Variants in SEC14L1 observed in about 807,000 individuals in gnomAD.
SEC14L1 encodes the protein SEC14 like lipid binding 1.
Under a neutral mutation model 85.3 loss-of-function variants are expected in SEC14L1, and 48 were observed. That is an observed-to-expected ratio of 0.56 (90% confidence interval 0.45 to 0.72). SEC14L1 has a LOEUF of 0.72. Ranked by LOEUF, SEC14L1 falls within the 30% of genes least tolerant of loss-of-function variation. The pLI is 0.00. For missense variants in SEC14L1, 682 were observed against 921.4 expected, an observed-to-expected ratio of 0.74 and a Z score of 3.36; for synonymous variants, 391 against 355.5, an observed-to-expected ratio of 1.10 and a Z score of -1.12.
intron 3 of SEC14L1, among the ~76,000 whole-genome samples, chr17:77,159,248 G>C (rs893633017): frequency 2.6e-5 from 4 of 151,014 alleles, no homozygotes; most frequent in Non-Finnish European, 4.4e-5. Context: ...TGCATTTTTA[G>C]TAGAGATGGG....
chr17:77,132,851 C>CTTTT (rs10711985), intron 3 of SEC14L1, among the ~76,000 whole-genome samples: 1 of 145,752 alleles, frequency 6.9e-6, no homozygotes, highest in Non-Finnish European at 1.5e-5. Context: ...CCCAATCCTC[C>CTTTT]TTTTTTTTTT....
Position 77,214,689 on chromosome 17 carries a change from A to G in SEC14L1, c.*666A>G. Reference sequence around the variant, plus strand: ...CTGGTGACTCCAGGAAAATGCTGCCATCGTTAAACATTACTTTCTCTTTCC... The same window carrying G: ...CTGGTGACTCCAGGAAAATGCTGCCGTCGTTAAACATTACTTTCTCTTTCC... On this transcript the variant is annotated 3_prime_UTR_variant, in exon 17 of 17. Transcript: ENST00000436233. 1.0e-6 allele frequency: 1 copy of G among 985,556 alleles called. No homozygotes were observed. Among genetic ancestry groups the G allele is most frequent in the African/African-American group, 1.7e-5 (1 of 57,372 alleles). The allele number at this position is 985,556 out of a possible 1,614,324, so 61.1% of individuals were successfully genotyped here. A position where few individuals can be genotyped will look rare whatever the true frequency, so the allele number is the denominator to read the frequency against.
chr17:77,095,155 G>T (rs1181125649), intron 3 of SEC14L1, among the ~76,000 whole-genome samples: 2 of 152,160 alleles, frequency 1.3e-5, no homozygotes, highest in Non-Finnish European at 2.9e-5. Flanking sequence ...TTGGGAGTTT[G>T]ATTGGAAGGA....
intron 10 of SEC14L1, among the ~76,000 whole-genome samples, chr17:77,204,509 C>A (rs1473299020): frequency 6.6e-6 from 1 of 150,878 alleles, no homozygotes; most frequent in Non-Finnish European, 1.5e-5. Context: ...CTTGAGCCAC[C>A]CTGCCCAGCC....
intron 3 of SEC14L1, among the ~76,000 whole-genome samples, chr17:77,179,887 C>T (rs894557135): frequency 3.9e-5 from 6 of 151,900 alleles, no homozygotes; most frequent in Non-Finnish European, 7.4e-5. Context: ...CTGTGTTAGC[C>T]GGGATGGTCT....
intron 3 of SEC14L1, among the ~76,000 whole-genome samples, chr17:77,178,242 C>T (rs1452943723): frequency 6.6e-6 from 1 of 152,096 alleles, no homozygotes; most frequent in African/African-American, 2.4e-5. Flanking sequence ...CCCATCCCAC[C>T]TGCCACTCAG....
At position 77,215,420 on chromosome 17, in the gene SEC14L1, G is replaced by A; in HGVS notation, c.*1397G>A. 3.0e-6 allele frequency: 3 copies of A among 985,516 alleles called. No individual in the cohort carries two copies. The highest frequency in any genetic ancestry group is 3.6e-6 in the Non-Finnish European group (3 of 830,006). The allele number at this position is 985,516 out of a possible 1,614,324, so 61.0% of individuals were successfully genotyped here. ...CCACGCGGCTGTCAACTGTGTGCGTGGTAGGCATGGAGATCCTGGTTGTGC... is the reference window on the plus strand; with the variant it reads ...CCACGCGGCTGTCAACTGTGTGCGTAGTAGGCATGGAGATCCTGGTTGTGC... On this transcript the variant is annotated 3_prime_UTR_variant, in exon 17 of 17. Coordinates refer to ENST00000436233, the MANE Select transcript of SEC14L1 (RefSeq NM_001143998.2).
chr17:77,206,481 C>T lies in SEC14L1; in HGVS notation c.1341+81C>T. On this transcript the variant is annotated intron_variant, in intron 12 of 16. Transcript: ENST00000436233. This position sits in a 1 kb window ranked among gnomAD's most constrained non-coding sequence, Gnocchi z 4.3. ...GCATTCATATACACGTGTCTGTGAC[C>T]TAAAGTCTTAACTTCTTAGGAAAAA... 1.4e-6 allele frequency: 2 copies of T among 1,459,108 alleles called. No individual in the cohort carries two copies. Among genetic ancestry groups the T allele is most frequent in the Non-Finnish European group, 1.9e-6 (2 of 1,073,624 alleles). The allele number at this position is 1,459,108 out of a possible 1,614,324, so 90.4% of individuals were successfully genotyped here.
intron 3 of SEC14L1, among the ~76,000 whole-genome samples, chr17:77,096,484 G>A (rs1971648718): frequency 6.6e-6 from 1 of 151,736 alleles, no homozygotes; most frequent in African/African-American, 2.4e-5. Flanking sequence ...ATGAACCTGG[G>A]AGGCAGCGGT....
In SEC14L1 at chr17:77,209,408, G is replaced by A; in HGVS notation, c.1543G>A (p.Glu515Lys). Residue 515 changes from glutamate (E) to lysine (K), a missense_variant, in exon 14 of 17, where the codon GAA (glutamate) becomes AAA (lysine). Physicochemically the swap from Glu to Lys is moderately conservative, Grantham distance 56. Coordinates refer to ENST00000436233, the MANE Select transcript of SEC14L1 (RefSeq NM_001143998.2). Reference protein sequence around the residue: ...LYRTAEELENEDLKLWTETIY... With the variant: ...LYRTAEELENKDLKLWTETIY... The stretch of plus-strand genomic sequence containing the variant: ...CCGGACTGCAGAGGAGCTGGAGAAC[G>A]AAGACCTGAAGCTCTGGACTGAGAC... The A allele has an allele frequency of 1.9e-6, 3 of 1,614,188 alleles. No individual in the cohort carries two copies. Among genetic ancestry groups the A allele is most frequent in the Non-Finnish European group, 2.5e-6 (3 of 1,180,022 alleles).
At chr17:77,186,402 CCT>C (rs978581315) in intron 3 of SEC14L1, among the ~76,000 whole-genome samples, 2 of 152,270 alleles carry the variant, frequency 1.3e-5, no homozygotes, top group Non-Finnish European at 2.9e-5. Flanking sequence ...CTGCATGCCT[CCT>C]CTCTCTCAAA....
Position 77,206,313 on chromosome 17 carries a change from C to T in SEC14L1, c.1254C>T (p.Ile418=), listed in dbSNP as rs186479619. 8 of 1,614,108 alleles carry T rather than the reference C, an allele frequency of 5.0e-6. No individual in the cohort carries two copies. Among genetic ancestry groups the T allele is most frequent in the African/African-American group, 4.0e-5 (3 of 75,018 alleles). The change falls in exon 12 of 17, where the codon ATC becomes ATT. Residue 418 remains isoleucine, a synonymous_variant. Transcript: ENST00000436233. The surrounding 1 kb of genome is among the most constrained non-coding windows in gnomAD (Gnocchi z 4.3). ...GTGTGAAAGCGCTGCTGCGGATCAT[C>T]GAGGTGGTGGAGGCCAACTACCCTG... ...RPGVKALLRI[I]EVVEANYPET...
At chr17:77,127,516 AT>A (rs1472161884) in intron 3 of SEC14L1, among the ~76,000 whole-genome samples, 1 of 151,970 alleles carries the variant, frequency 6.6e-6, no homozygotes, top group Non-Finnish European at 1.5e-5. Flanking sequence ...CGCCTGGCTA[AT>A]TTTTGTATTT....
At chr17:77,202,400 C>T (rs1211043555) in intron 9 of SEC14L1, among the ~76,000 whole-genome samples, 1 of 152,166 alleles carries the variant, frequency 6.6e-6, no homozygotes, top group African/African-American at 2.4e-5. Context: ...GGGTGGATCA[C>T]CTGAGATCAG....
At chr17:77,161,410 C>T (rs1330931702) in intron 3 of SEC14L1, among the ~76,000 whole-genome samples, 5 of 152,006 alleles carry the variant, frequency 3.3e-5, no homozygotes, top group Non-Finnish European at 7.4e-5. Context: ...TCACTTGAGC[C>T]GCGGGGATGG....
rs761738640 is a variant in SEC14L1 at position 77,213,684 on chromosome 17, G to C, written c.2042+192G>C. The stretch of plus-strand genomic sequence containing the variant: ...TGCCTGTCTGCAGAGGGAGAGTGTC[G>C]GAGACAGAGCCGACTGACTGCCTTT... On this transcript the variant is annotated intron_variant, in intron 16 of 16. Transcript: ENST00000436233. The surrounding 1 kb of genome is among the most constrained non-coding windows in gnomAD (Gnocchi z 7.1). 1.2e-6 allele frequency: 1 copy of C among 862,274 alleles called. No homozygotes were observed. The highest frequency in any genetic ancestry group is 1.9e-6 in the Non-Finnish European group (1 of 531,416). 53.4% of individuals were successfully genotyped at this position (862,274 alleles called of 1,614,324 possible).
intron 3 of SEC14L1, among the ~76,000 whole-genome samples, chr17:77,176,850 G>T (rs1444979003): frequency 6.6e-6 from 1 of 152,058 alleles, no homozygotes; most frequent in Non-Finnish European, 1.5e-5. Context: ...ACCTCCCAAA[G>T]TGCTGGGATT....
chr17:77,214,966 T>C lies in SEC14L1; in HGVS notation c.*943T>C, dbSNP rs1252473483. On this transcript the variant is annotated 3_prime_UTR_variant, in exon 17 of 17. Transcript: ENST00000436233. Reference sequence around the variant, plus strand: ...CCACTTGACACTGTCCATGGGGTTTTATTAGTAGCTAAGCAGCAGCTCTCG... The same window carrying C: ...CCACTTGACACTGTCCATGGGGTTTCATTAGTAGCTAAGCAGCAGCTCTCG... 5 of 985,340 alleles carry C rather than the reference T, an allele frequency of 5.1e-6. No individual in the cohort carries two copies. Among genetic ancestry groups the C allele is most frequent in the Admixed American group, 6.2e-5 (1 of 16,260 alleles). 61.0% of individuals were successfully genotyped at this position (985,340 alleles called of 1,614,324 possible).
At chr17:77,119,477 A>G (rs1567876634) in intron 3 of SEC14L1, among the ~76,000 whole-genome samples, 1 of 152,092 alleles carries the variant, frequency 6.6e-6, no homozygotes, top group African/African-American at 2.4e-5. Context: ...ACAAAGTTAG[A>G]TGGAGGAGCA....
Sources: allele counts gnomAD v4.1 joint callset (sites outside exome capture counted in the v4.1 genomes callset), GRCh38; gene constraint gnomAD v4.1.1; non-coding constraint Gnocchi (gnomAD v3.1); transcripts MANE v1.5; gene names NCBI Gene and HGNC (gene_info 2026-07-23, HGNC 2026-07-21).